Variants in LRP1B observed in about 807,000 individuals in gnomAD.
LRP1B encodes LDL receptor related protein 1B.
Under a neutral mutation model 556.6 loss-of-function variants are expected in LRP1B, and 217 were observed. That is an observed-to-expected ratio of 0.39 (90% CI 0.35 to 0.44). The LOEUF (loss-of-function observed/expected upper bound fraction) is 0.44. Ranked by LOEUF, LRP1B falls within the 20% of genes least tolerant of loss-of-function variation. The pLI is 1.00. For missense variants in LRP1B, 5,053 were observed against 5,620.8 expected, an observed-to-expected ratio of 0.90 and a Z score of 3.23; for synonymous variants, 2,047 against 1,865.8, an observed-to-expected ratio of 1.10 and a Z score of -2.50.
chr2:141,571,516 C>T (rs992623515), intron 2 of LRP1B, among the ~76,000 whole-genome samples: 1 of 152,012 alleles, frequency 6.6e-6, no homozygotes, highest in African/African-American at 2.4e-5. Context: ...AGCTAGAGTG[C>T]CTCTTCCCCT....
intron 11 of LRP1B, among the ~76,000 whole-genome samples, chr2:141,027,369 A>C (rs1237440850): frequency 1.3e-5 from 2 of 152,134 alleles, no homozygotes; most frequent in South Asian, 2.1e-4. Flanking sequence ...AGAGAATAAG[A>C]AGCAGAACAA....
At chr2:140,876,577 T>A (rs972418964) in intron 25 of LRP1B, among the ~76,000 whole-genome samples, 3 of 152,240 alleles carry the variant, frequency 2.0e-5, no homozygotes, top group Non-Finnish European at 4.4e-5. Flanking sequence ...GTCTATACCA[T>A]CCCTGTACAG....
chr2:140,423,524 ATAATTATT>A (rs1685535337), intron 66 of LRP1B, among the ~76,000 whole-genome samples: 1 of 151,952 alleles, frequency 6.6e-6, no homozygotes, highest in African/African-American at 2.4e-5. Context: ...AATCTATTTA[ATAATTATT>A]TATTCATCCA....
At chr2:142,107,435 G>T (rs1418701500) in intron 1 of LRP1B, among the ~76,000 whole-genome samples, 2 of 152,022 alleles carry the variant, frequency 1.3e-5, no homozygotes, top group Non-Finnish European at 2.9e-5. Context: ...TCTGCCTTCT[G>T]CTATGGGCTG....
intron 6 of LRP1B, among the ~76,000 whole-genome samples, chr2:141,222,603 C>A (rs1479592678): frequency 6.6e-6 from 1 of 152,018 alleles, no homozygotes; most frequent in Non-Finnish European, 1.5e-5. Flanking sequence ...CCAATATCCC[C>A]AATGAACATC....
At chr2:141,287,812 A>G (rs1033111389) in intron 3 of LRP1B, among the ~76,000 whole-genome samples, 1 of 152,168 alleles carries the variant, frequency 6.6e-6, no homozygotes, top group African/African-American at 2.4e-5. Context: ...CAACTGTCGC[A>G]TGTTTTTGGT....
At chr2:140,581,381 C>T (rs985792034) in intron 43 of LRP1B, among the ~76,000 whole-genome samples, 7 of 152,152 alleles carry the variant, frequency 4.6e-5, no homozygotes, top group South Asian at 4.1e-4. Flanking sequence ...TCTTCAGATA[C>T]GCTTTTTGTC....
intron 24 of LRP1B, among the ~76,000 whole-genome samples, chr2:140,884,689 T>A (rs1693581056): frequency 6.6e-6 from 1 of 152,162 alleles, no homozygotes; most frequent in Non-Finnish European, 1.5e-5. Context: ...CTATTGAATT[T>A]CTTTCACAAT....
At chr2:141,723,449 G>T (rs946439287) in intron 2 of LRP1B, among the ~76,000 whole-genome samples, 3 of 151,202 alleles carry the variant, frequency 2.0e-5, no homozygotes, top group African/African-American at 7.3e-5. Context: ...AATTCTTTGG[G>T]TTCATTAGGG....
intron 11 of LRP1B, among the ~76,000 whole-genome samples, chr2:141,038,122 TA>T (rs1698589954): frequency 1.6e-5 from 2 of 121,558 alleles, no homozygotes; most frequent in African/African-American, 5.7e-5. Context: ...CCCAGAAAAG[TA>T]AAAACTAAAA....
At chr2:140,284,915 C>T (rs112764644) in intron 84 of LRP1B, among the ~76,000 whole-genome samples, 5 of 28,404 alleles carry the variant, frequency 1.8e-4, no homozygotes, top group African/African-American at 3.0e-4. Context: ...TACCTATATA[C>T]CTAGATATAC....
intron 3 of LRP1B, among the ~76,000 whole-genome samples, chr2:141,337,470 G>A (rs887385817): frequency 4.3e-5 from 6 of 139,976 alleles, no homozygotes; most frequent in East Asian, 2.0e-4. Context: ...TATGAGATGC[G>A]GGATTTGCAA....
At chr2:141,112,215 T>G (rs1349524027) in intron 7 of LRP1B, among the ~76,000 whole-genome samples, 1 of 152,104 alleles carries the variant, frequency 6.6e-6, no homozygotes, top group African/African-American at 2.4e-5. Flanking sequence ...AATAGCAGTG[T>G]CTTTTGTGGT....
At chr2:140,311,115 G>A (rs944151984) in intron 83 of LRP1B, among the ~76,000 whole-genome samples, 1 of 151,802 alleles carries the variant, frequency 6.6e-6, no homozygotes, top group Non-Finnish European at 1.5e-5. Context: ...AAACAGTATG[G>A]AGATTTCTCA....
At chr2:141,809,670 T>C (rs745660187) in intron 2 of LRP1B, among the ~76,000 whole-genome samples, 2 of 152,056 alleles carry the variant, frequency 1.3e-5, no homozygotes, top group Non-Finnish European at 2.9e-5. Context: ...TTAGGATTCA[T>C]GTATACTAAG....
chr2:140,982,072 A>G, intron 18 of LRP1B, 88 bp downstream of exon 18: 4 of 1,052,076 alleles, frequency 3.8e-6, no homozygotes, highest in Non-Finnish European at 4.3e-6. Flanking sequence ...ACTCATAAAG[A>G]AATAAATAGC....
At chr2:140,600,134 A>T (rs1682596305) in intron 42 of LRP1B, among the ~76,000 whole-genome samples, 1 of 152,058 alleles carries the variant, frequency 6.6e-6, no homozygotes, top group Non-Finnish European at 1.5e-5. Context: ...AACACTTGCT[A>T]ATTAAAACTC....
At chr2:140,638,247 A>C (rs1684138999) in intron 41 of LRP1B, among the ~76,000 whole-genome samples, 1 of 152,222 alleles carries the variant, frequency 6.6e-6, no homozygotes. Flanking sequence ...TGTAGTTCTC[A>C]ACAAAGCACT....
chr2:141,214,227 A>G (rs958381098), intron 6 of LRP1B, among the ~76,000 whole-genome samples: 4 of 151,884 alleles, frequency 2.6e-5, no homozygotes, highest in African/African-American at 9.7e-5. Context: ...CAATTCTTAA[A>G]CTCTTTCTAA....
Sources: allele counts gnomAD v4.1 joint callset (sites outside exome capture counted in the v4.1 genomes callset), GRCh38; gene constraint gnomAD v4.1.1; transcripts MANE v1.5; gene names NCBI Gene and HGNC (gene_info 2026-07-23, HGNC 2026-07-21).